Variants in NCAM2 observed in about 807,000 individuals in gnomAD.
NCAM2 encodes N-CAM-2.
Under a neutral mutation model 98.1 loss-of-function variants are expected in NCAM2, and 30 were observed. The ratio of observed to expected loss-of-function variants is 0.31; its 90% confidence interval spans 0.23 to 0.41. The LOEUF is 0.41. Ranked by LOEUF, NCAM2 falls within the 10% of genes least tolerant of loss-of-function variation. The probability of loss-of-function intolerance (pLI) is 1.00; values close to 1 mark genes in which losing one functional copy is unlikely to be tolerated. For synonymous variants in NCAM2, 368 were observed against 342.4 expected, an observed-to-expected ratio of 1.07 and a Z score of -0.83; for missense variants, 867 against 1,005.8, an observed-to-expected ratio of 0.86 and a Z score of 1.87.
intron 1 of NCAM2, among the ~76,000 whole-genome samples, chr21:21,050,239 G>C (rs562515284): frequency 1.4e-3 from 209 of 152,200 alleles, no homozygotes; most frequent in African/African-American, 4.8e-3. Context: ...CTAAAAAAGT[G>C]AAAGGATTAA....
At chr21:21,121,151 T>C (rs1271713939) in intron 1 of NCAM2, among the ~76,000 whole-genome samples, 1 of 152,244 alleles carries the variant, frequency 6.6e-6, no homozygotes, top group Admixed American at 6.5e-5. Context: ...CAGATTTTCA[T>C]ATAAAATATC....
chr21:21,321,744 TA>T (rs2074380679), intron 5 of NCAM2, among the ~76,000 whole-genome samples: 1 of 152,066 alleles, frequency 6.6e-6, no homozygotes, highest in Admixed American at 6.6e-5. Context: ...CAGAGAAATG[TA>T]AATCAAAACC....
chr21:21,460,687 A>G (rs1982841196), intron 12 of NCAM2, among the ~76,000 whole-genome samples: 1 of 151,960 alleles, frequency 6.6e-6, no homozygotes, highest in South Asian at 2.1e-4. Context: ...TGTGTAGGCT[A>G]GATGAGGGCT....
At chr21:21,013,273 T>C (rs894770799) in intron 1 of NCAM2, among the ~76,000 whole-genome samples, 2 of 152,300 alleles carry the variant, frequency 1.3e-5, no homozygotes, top group East Asian at 1.9e-4. Flanking sequence ...GCCACTCCAG[T>C]GAATACACAA....
intron 1 of NCAM2, among the ~76,000 whole-genome samples, chr21:21,137,712 C>T (rs1243095535): frequency 2.0e-5 from 3 of 152,054 alleles, no homozygotes; most frequent in African/African-American, 4.8e-5. Context: ...GAGCCGAGAT[C>T]GTGCCATTGC....
At chr21:21,451,781 A>G (rs1207760609) in intron 12 of NCAM2, among the ~76,000 whole-genome samples, 4 of 152,144 alleles carry the variant, frequency 2.6e-5, no homozygotes, top group Admixed American at 2.0e-4. Context: ...AATGGGCTTC[A>G]TGACGCTGCT....
chr21:21,048,113 C>T (rs1362693764), intron 1 of NCAM2, among the ~76,000 whole-genome samples: 1 of 152,134 alleles, frequency 6.6e-6, no homozygotes, highest in Non-Finnish European at 1.5e-5. Context: ...AAGAGCCAGG[C>T]ACCCTTTTAA....
intron 9 of NCAM2, among the ~76,000 whole-genome samples, chr21:21,390,468 G>A (rs1183283996): frequency 6.6e-6 from 1 of 152,118 alleles, no homozygotes; most frequent in Non-Finnish European, 1.5e-5. Flanking sequence ...TAGACTGAAA[G>A]GGGTACAAAG....
chr21:21,054,561 C>CA (rs2065176577), intron 1 of NCAM2, among the ~76,000 whole-genome samples: 1 of 151,924 alleles, frequency 6.6e-6, no homozygotes, highest in Admixed American at 6.5e-5. Context: ...AGTAATTACC[C>CA]AAGTGTTAAC....
chr21:21,290,299 C>G (rs1300747369), intron 4 of NCAM2: 4 of 151,894 alleles, frequency 2.6e-5, no homozygotes, highest in Admixed American at 6.6e-5. Flanking sequence ...TAGTGTTCCT[C>G]TTCATTTTAA....
chr21:21,112,194 G>A (rs1439155812), intron 1 of NCAM2, among the ~76,000 whole-genome samples: 3 of 151,938 alleles, frequency 2.0e-5, no homozygotes, highest in African/African-American at 7.3e-5. Flanking sequence ...ATATTCTATA[G>A]TGATTCATTG....
chr21:21,000,138 C>T lies in NCAM2; in HGVS notation c.55+1520C>T, dbSNP rs537141135. On this transcript the variant is annotated intron_variant, in intron 1 of 17. Coordinates refer to ENST00000400546, the MANE Select transcript of NCAM2 (RefSeq NM_004540.5). ...GTTCTTAAGCAAAGATCAGCATGCACATATGTCCTACAGATATGCTTCTTT... is the reference window on the plus strand; with the variant it reads ...GTTCTTAAGCAAAGATCAGCATGCATATATGTCCTACAGATATGCTTCTTT... 4.6e-5 allele frequency among the ~76,000 whole-genome samples: 7 copies of T among 152,266 alleles called. No homozygotes were observed. In the South Asian group the frequency reaches 1.5e-3, roughly 32 times the overall value.
intron 1 of NCAM2, among the ~76,000 whole-genome samples, chr21:21,275,684 T>G (rs1263551144): frequency 6.6e-6 from 1 of 152,112 alleles, no homozygotes; most frequent in Non-Finnish European, 1.5e-5. Flanking sequence ...ATGCTTTAAC[T>G]GATCACAGAT....
chr21:21,534,565 G>A lies in NCAM2; in HGVS notation c.2311G>A (p.Glu771Lys). 2 of 1,601,516 alleles carry A rather than the reference G, an allele frequency of 1.2e-6. No individual in the cohort carries two copies. The highest frequency in any genetic ancestry group is 1.3e-5 in the African/African-American group (1 of 74,562). The change falls in exon 17 of 18, where the codon GAG becomes AAG. Residue 771 changes from glutamate to lysine, a missense_variant. This residue lies in a region of NCAM2 where 125 missense variants were observed against 116.1 expected (regional missense o/e 1.08). Transcript: ENST00000400546. Reference protein sequence around the residue: ...LKDGSKEPIVEMRTEDERVTN... With the variant: ...LKDGSKEPIVKMRTEDERVTN... ...AGATGGATCAAAAGAACCAATAGTG[G>A]AGATGAGAACAGAGGATGAAAGAGT...
chr21:21,041,048 C>T (rs1015251513), intron 1 of NCAM2, among the ~76,000 whole-genome samples: 12 of 151,958 alleles, frequency 7.9e-5, no homozygotes, highest in African/African-American at 2.9e-4. Context: ...TAAATATGGA[C>T]AATTATTATG....
intron 12 of NCAM2, among the ~76,000 whole-genome samples, chr21:21,435,327 G>A (rs563317763): frequency 1.9e-3 from 293 of 152,166 alleles, no homozygotes; most frequent in Non-Finnish European, 3.2e-3. Flanking sequence ...TCCAAATTGC[G>A]ATGCAAATAT....
rs1374802001 is a variant in NCAM2 at position 21,529,879 on chromosome 21, A to G, written c.2283-4658A>G. ...ATATTTAATAATATCACCTTTTATG[A>G]TAGACTGGATGACATTTGACAGGGG... On this transcript the variant is annotated intron_variant, in intron 16 of 17. Coordinates refer to ENST00000400546, the MANE Select transcript of NCAM2 (RefSeq NM_004540.5). 3.3e-5 allele frequency among the ~76,000 whole-genome samples: 5 copies of G among 151,180 alleles called. No individual in the cohort carries two copies. In the East Asian group the frequency reaches 9.7e-4, roughly 29 times the overall value.
chr21:21,120,823 A>G (rs1315748852), intron 1 of NCAM2, among the ~76,000 whole-genome samples: 1 of 149,668 alleles, frequency 6.7e-6, no homozygotes. Flanking sequence ...GGTTCAGTCG[A>G]TTCTCCTGCC....
Position 21,430,554 on chromosome 21 carries a change from A to G in NCAM2, c.1481-1554A>G, listed in dbSNP as rs559079974. Among the ~76,000 whole-genome samples, 7 of 152,006 alleles carry G rather than the reference A, an allele frequency of 4.6e-5. No homozygotes were observed. In the South Asian group the frequency reaches 1.5e-3, roughly 32 times the overall value. On this transcript the variant is annotated intron_variant, in intron 11 of 17. Transcript: ENST00000400546. ...AGGCAAAGGAGAAGCAGGCACCTTC[A>G]CAGGGCGGCAGAACAGAGTGAGTGC... is the stretch of plus-strand genomic sequence containing the variant.
Sources: allele counts gnomAD v4.1 joint callset (sites outside exome capture counted in the v4.1 genomes callset), GRCh38; gene constraint gnomAD v4.1.1; regional missense constraint gnomAD v4.1.1; transcripts MANE v1.5; gene names NCBI Gene and HGNC (gene_info 2026-07-23, HGNC 2026-07-21).